BOP1: variants seen among roughly 807,000 people sequenced by gnomAD.
BOP1 encodes ribosome biogenesis protein BOP1.
A neutral mutation model predicts 82.9 loss-of-function variants in BOP1; 54 were observed. The observed-to-expected ratio is 0.65, with a 90% CI of 0.52 to 0.82. The LOEUF (loss-of-function observed/expected upper bound fraction) is 0.82. Among genes scored for constraint, BOP1 ranks in the 40% least tolerant of loss-of-function variants. The pLI, the probability that BOP1 is intolerant of heterozygous loss-of-function variation, is 0.00. For missense variants in BOP1, 1,170 were observed against 1,072.0 expected, an observed-to-expected ratio of 1.09 and a Z score of -1.28; for synonymous variants, 566 against 451.1, an observed-to-expected ratio of 1.25 and a Z score of -3.23.
At chr8:144,272,113 G>A (rs1845501863) in intron 3 of BOP1, among the ~76,000 whole-genome samples, 2 of 152,092 alleles carry the variant, frequency 1.3e-5, no homozygotes, top group African/African-American at 4.8e-5. Context: ...GGGGCTCCCA[G>A]AAACCAGGAT....
At chr8:144,282,912 G>A (rs1402896471) in intron 2 of BOP1, among the ~76,000 whole-genome samples, 1 of 152,062 alleles carries the variant, frequency 6.6e-6, no homozygotes, top group Non-Finnish European at 1.5e-5. Flanking sequence ...ATGGTGGCCA[G>A]GTGCGGTGGC....
intron 3 of BOP1, among the ~76,000 whole-genome samples, chr8:144,271,898 G>A (rs1845498369): frequency 2.0e-5 from 3 of 152,002 alleles, no homozygotes; most frequent in Non-Finnish European, 4.4e-5. Flanking sequence ...CCACTGGAGA[G>A]AAGCCACTAC....
intron 3 of BOP1, among the ~76,000 whole-genome samples, chr8:144,272,852 G>A (rs1845512366): frequency 6.6e-6 from 1 of 152,208 alleles, no homozygotes; most frequent in African/African-American, 2.4e-5. Context: ...GGGCCTTCAA[G>A]CCGGCCAAGG....
Position 144,263,402 on chromosome 8 carries a change from C to A in BOP1, c.1425-1G>T. 6.3e-7 allele frequency: 1 copy of A among 1,597,844 alleles called. No individual in the cohort carries two copies. On this transcript the variant is annotated splice_acceptor_variant, in intron 11 of 15. Transcript: ENST00000569669. LOFTEE classifies it high-confidence loss of function. ...GTTCAGCAGCAGCACCGAGTCCTCC[C>A]TGTGAGCCAGGCCCAGACACGGCCC...
Position 144,267,996 on chromosome 8 carries a change from G to A in BOP1, c.391-2925C>T, listed in dbSNP as rs1278594456. On this transcript the variant is annotated intron_variant, in intron 3 of 15. Coordinates refer to ENST00000569669, the MANE Select transcript of BOP1 (RefSeq NM_015201.5). ...GGAAGCTGGGGAGAGCCGGGAAGGA[G>A]GTGCCTTGGCGCTGGCCACCTGAGA... 3.3e-6 allele frequency: 5 copies of A among 1,505,880 alleles called. No homozygotes were observed. The African/African-American group carries it at 6.9e-5, about 21-fold the overall frequency. The allele number at this position is 1,505,880 out of a possible 1,614,324, so 93.3% of individuals were successfully genotyped here. A position where few individuals can be genotyped will look rare whatever the true frequency, so the allele number is the denominator to read the frequency against.
chr8:144,291,145 G>C lies in BOP1; in HGVS notation c.99+127C>G. 1 of 681,760 alleles carries C rather than the reference G, an allele frequency of 1.5e-6. No individual in the cohort carries two copies. Among genetic ancestry groups the C allele is most frequent in the South Asian group, 3.4e-5 (1 of 29,656 alleles). The allele number at this position is 681,760 out of a possible 1,614,324, so 42.2% of individuals were successfully genotyped here. A position where few individuals can be genotyped will look rare whatever the true frequency, so the allele number is the denominator to read the frequency against. On this transcript the variant is annotated intron_variant, in intron 1 of 15. Transcript: ENST00000569669. The surrounding 1 kb of genome is among the most constrained non-coding windows in gnomAD (Gnocchi z 4.1). Reference sequence around the variant, plus strand: ...CCCCCGATAGAGGAGCTGCACCCACGCCCAAGACCGATTCACTGGGCGCGG... The same window carrying C: ...CCCCCGATAGAGGAGCTGCACCCACCCCCAAGACCGATTCACTGGGCGCGG...
intron 13 of BOP1, 50 bp downstream of exon 13, chr8:144,262,803 G>GCCCCCCCCCCCCCCCCC: frequency 3.3e-5 from 14 of 424,750 alleles, no homozygotes; most frequent in South Asian, 9.4e-5. Flanking sequence ...AGGGTACACC[G>GCCCCCCCCCCCCCCCCC]CCCCCCCCCC....
At chr8:144,284,533 C>T (rs1019530059) in intron 2 of BOP1, among the ~76,000 whole-genome samples, 1 of 152,142 alleles carries the variant, frequency 6.6e-6, no homozygotes, top group Non-Finnish European at 1.5e-5. Flanking sequence ...AGACAGCGCA[C>T]GGCTGCCCCT....
At chr8:144,270,119 G>C (rs1368863145) in intron 3 of BOP1, among the ~76,000 whole-genome samples, 2 of 152,288 alleles carry the variant, frequency 1.3e-5, no homozygotes, top group East Asian at 3.9e-4. Context: ...GATAGTGAAA[G>C]TCTCCAGGGC....
chr8:144,289,042 A>G (rs1814959972), intron 2 of BOP1, 53 bp downstream of exon 2: 8 of 1,599,424 alleles, frequency 5.0e-6, no homozygotes, highest in Non-Finnish European at 6.9e-6. Flanking sequence ...CAGAAAGCCC[A>G]AGGCCACCTG....
At chr8:144,281,477 C>T (rs1227072449) in intron 2 of BOP1, among the ~76,000 whole-genome samples, 5 of 7,968 alleles carry the variant, frequency 6.3e-4, no homozygotes, top group Admixed American at 2.5e-3. Context: ...GGCCTTCTCT[C>T]ACTTTCATAC....
In BOP1 at chr8:144,262,310, G is replaced by T; in HGVS notation, c.2095C>A (p.Leu699Met). 2 of 1,612,882 alleles carry T rather than the reference G, an allele frequency of 1.2e-6. No homozygotes were observed. The highest frequency in any genetic ancestry group is 1.7e-6 in the Non-Finnish European group (2 of 1,179,822). ...VCHGMVYNDL[L>M]QNPLLVPVKV... ...ACGGGCACCAGCAAGGGGTTCTGCA[G>T]AAGGTCACTGTGGGGACGAGGAGGG... The change falls in exon 16 of 16, where the codon CTG becomes ATG. Residue 699 changes from leucine (L) to methionine (M), a missense_variant. Transcript: ENST00000569669.
At position 144,264,145 on chromosome 8, in the gene BOP1, G is replaced by A. The variant is rs938672557; in HGVS notation, c.979-3C>T. ...TCCTGCTGTTCCCACGCCAAGCGCT[G>A]TGGAGACCAAGACACAGGGGTGGGG... On this transcript the variant is annotated splice_region_variant and splice_polypyrimidine_tract_variant and intron_variant, in intron 7 of 15. Transcript: ENST00000569669. 2.0e-5 allele frequency: 32 copies of A among 1,610,732 alleles called. No homozygotes were observed. Among genetic ancestry groups the A allele is most frequent in the Middle Eastern group, 1.7e-4 (1 of 5,724 alleles).
chr8:144,281,929 A>G (rs1371047154), intron 2 of BOP1: 1 of 152,262 alleles, frequency 6.6e-6, no homozygotes, highest in Non-Finnish European at 1.5e-5. Context: ...TAAAAACAGA[A>G]ACTTCTGCAC....
intron 3 of BOP1, among the ~76,000 whole-genome samples, chr8:144,269,616 G>T (rs1369988425): frequency 1.3e-5 from 2 of 152,228 alleles, no homozygotes; most frequent in African/African-American, 4.8e-5. Flanking sequence ...ACAACGGCAG[G>T]TTTCGTTCAG....
intron 2 of BOP1, among the ~76,000 whole-genome samples, chr8:144,276,740 T>C (rs1022628757): frequency 1.3e-5 from 2 of 152,130 alleles, no homozygotes; most frequent in East Asian, 3.9e-4. Flanking sequence ...GGGGGCAGCA[T>C]GGTCGGGGGG....
rs1481483914 is a variant in BOP1, at chr8:144,266,797, G to A, written c.391-1726C>T. 5 of 1,127,194 alleles carry A rather than the reference G, an allele frequency of 4.4e-6. No homozygotes were observed. The South Asian group carries it at 1.3e-4, about 28-fold the overall frequency. The allele number at this position is 1,127,194 out of a possible 1,614,324, so 69.8% of individuals were successfully genotyped here. A position where few individuals can be genotyped will look rare whatever the true frequency, so the allele number is the denominator to read the frequency against. ...GCGGAGGGCGGGGGGCCGGCGGGCC[G>A]GGGGCGGGGGGCCAGGGGGCCGGCC... is the stretch of plus-strand genomic sequence containing the variant. On this transcript the variant is annotated intron_variant, in intron 3 of 15. Coordinates refer to ENST00000569669, the MANE Select transcript of BOP1 (RefSeq NM_015201.5).
chr8:144,269,256 G>A lies in BOP1; in HGVS notation c.391-4185C>T, dbSNP rs1037083439. 4.6e-5 allele frequency among the ~76,000 whole-genome samples: 7 copies of A among 152,368 alleles called. No individual in the cohort carries two copies. The South Asian group carries it at 8.3e-4, about 18-fold the overall frequency. On this transcript the variant is annotated intron_variant, in intron 3 of 15. Coordinates refer to ENST00000569669, the MANE Select transcript of BOP1 (RefSeq NM_015201.5). ...CAGTGGGCACAGAGAGAAGAAGGGC[G>A]GTGCTGTGTGGACCACCTCCCCCCA...
rs529683307 is a variant in BOP1 at position 144,287,305 on chromosome 8, C to G, written c.309+1790G>C. On this transcript the variant is annotated intron_variant, in intron 2 of 15. Coordinates refer to ENST00000569669, the MANE Select transcript of BOP1 (RefSeq NM_015201.5). ...GATTACAGGCGTGAGCCACCACGCC[C>G]GCTGAAAGAATTTAATAAAAAAATC... is the stretch of plus-strand genomic sequence containing the variant. 5.5e-4 allele frequency among the ~76,000 whole-genome samples: 83 copies of G among 152,102 alleles called. 1 individual carries two copies. Among genetic ancestry groups the G allele is most frequent in the African/African-American group, 1.9e-3 (78 of 41,502 alleles).
Sources: allele counts gnomAD v4.1 joint callset (sites outside exome capture counted in the v4.1 genomes callset), GRCh38; gene constraint gnomAD v4.1.1; non-coding constraint Gnocchi (gnomAD v3.1); transcripts MANE v1.5; gene names NCBI Gene and HGNC (gene_info 2026-07-23, HGNC 2026-07-21).